PADI3: variants seen among roughly 807,000 people sequenced by gnomAD.
PADI3 encodes the protein peptidyl arginine deiminase 3, also known as protein-arginine deiminase type-3.
A neutral mutation model predicts 71.5 loss-of-function variants in PADI3; 53 were observed. The observed-to-expected ratio is 0.74, with a 90% CI of 0.59 to 0.93. The LOEUF (loss-of-function observed/expected upper bound fraction) is 0.93, where lower values mean the gene tolerates loss of function less well. Among genes scored for constraint, PADI3 ranks in the 40% least tolerant of loss-of-function variants. The pLI is 0.00. For missense variants in PADI3, 821 were observed against 868.0 expected, an observed-to-expected ratio of 0.95 and a Z score of 0.68; for synonymous variants, 361 against 347.5, an observed-to-expected ratio of 1.04 and a Z score of -0.43.
chr1:17,279,275 G>T (rs1208419694), intron 13 of PADI3, among the ~76,000 whole-genome samples: 1 of 152,208 alleles, frequency 6.6e-6, no homozygotes, highest in Non-Finnish European at 1.5e-5. Context: ...GCACTGATTA[G>T]ACACCTCAGT....
chr1:17,282,080 C>A (rs988575881), intron 15 of PADI3, among the ~76,000 whole-genome samples: 4 of 152,172 alleles, frequency 2.6e-5, no homozygotes, highest in African/African-American at 7.2e-5. Flanking sequence ...TTTTGCCCTC[C>A]GCTTGCAAAG....
chr1:17,280,684 G>A lies in PADI3; in HGVS notation c.1649G>A (p.Trp550Ter), dbSNP rs895929989. The A allele has an allele frequency of 3.7e-6, 6 of 1,614,030 alleles. No individual in the cohort carries two copies. Among genetic ancestry groups the A allele is most frequent in the Non-Finnish European group, 5.1e-6 (6 of 1,180,028 alleles). ...CCCTGCCCCCAGAGCTGCATCGACT[G>A]GAACCGTGAGGTGCTGAAGCGGGAG... is the stretch of plus-strand genomic sequence containing the variant. ...YNKFVQSCIDWNREVLKRELG... is the reference protein window; with the variant it reads ...YNKFVQSCID The change falls in exon 15 of 16, where the codon TGG becomes TAG. Residue 550 changes from tryptophan to a stop codon, truncating the protein, a stop_gained. Transcript: ENST00000375460. LOFTEE classifies it high-confidence loss of function.
At chr1:17,268,498 C>CTGTGTTTTTTTTTTTTT (rs2073201455) in intron 6 of PADI3, among the ~76,000 whole-genome samples, 1 of 89,448 alleles carries the variant, frequency 1.1e-5, no homozygotes, top group African/African-American at 4.7e-5. Context: ...TAATAAGATG[C>CTGTGTTTTTTTTTTTTT]TTTTTTTTTT....
In PADI3 at chr1:17,250,811, C is replaced by T. The variant is rs147094887; in HGVS notation, c.92+1582C>T. Among the ~76,000 whole-genome samples, 705 of 152,334 alleles carry T rather than the reference C, an allele frequency of 4.6e-3. 5 individuals carry two copies. The highest frequency in any genetic ancestry group is 0.016 in the African/African-American group (674 of 41,576). ...CGTGCCCGTTGGGCAGATGTGTCTC[C>T]GGTTTGACCTGTCCCAGGAAGCCTG... On this transcript the variant is annotated intron_variant, in intron 1 of 15. Transcript: ENST00000375460.
chr1:17,272,428 G>T (rs1385137602), intron 9 of PADI3, among the ~76,000 whole-genome samples: 1 of 152,150 alleles, frequency 6.6e-6, no homozygotes, highest in Non-Finnish European at 1.5e-5. Flanking sequence ...GAGCCTGGCT[G>T]TGCCACCAAC....
At position 17,284,112 on chromosome 1, in the gene PADI3, C is replaced by G. The variant is rs3750303; in HGVS notation, c.*1033C>G. On this transcript the variant is annotated 3_prime_UTR_variant, in exon 16 of 16. Coordinates refer to ENST00000375460, the MANE Select transcript of PADI3 (RefSeq NM_016233.2). ...ACAGCGGGAAAACTCTGGGAATGAA[C>G]CACTGAATTCAGGGGATGGGGGTGG... 25,153 of 150,224 alleles carry G rather than the reference C, an allele frequency of 0.17. 2,276 individuals carry two copies. The highest frequency in any genetic ancestry group is 0.29 in the South Asian group (1,337 of 4,618). 9.3% of individuals were successfully genotyped at this position (150,224 alleles called of 1,614,324 possible). A position where few individuals can be genotyped will look rare whatever the true frequency, so the allele number is the denominator to read the frequency against.
chr1:17,253,163 G>A (rs1187839097), intron 1 of PADI3, among the ~76,000 whole-genome samples: 3 of 152,206 alleles, frequency 2.0e-5, no homozygotes, highest in Non-Finnish European at 4.4e-5. Context: ...GACTCGCCTG[G>A]ATTGGAGGTC....
intron 15 of PADI3, among the ~76,000 whole-genome samples, chr1:17,282,041 C>T (rs1569926817): frequency 6.6e-6 from 1 of 152,346 alleles, no homozygotes; most frequent in Non-Finnish European, 1.5e-5. Flanking sequence ...CTTCATGCCC[C>T]GCTTTTTCCT....
chr1:17,280,552 C>G lies in PADI3; in HGVS notation c.1636-119C>G. ...AAGCTCAGGTTAGAACAGGCCCAGA[C>G]AGAGGGGTCCCAACACCCTCTTTTG... is the stretch of plus-strand genomic sequence containing the variant. On this transcript the variant is annotated intron_variant, in intron 14 of 15. Transcript: ENST00000375460. The G allele has an allele frequency of 1.2e-5, 18 of 1,517,246 alleles. No homozygotes were observed. In the South Asian group the frequency reaches 1.6e-4, roughly 13 times the overall value. 94.0% of individuals were successfully genotyped at this position (1,517,246 alleles called of 1,614,324 possible).
In PADI3 at chr1:17,257,954, T is replaced by C. The variant is rs559219116; in HGVS notation, c.93-1624T>C. 2.8e-4 allele frequency among the ~76,000 whole-genome samples: 43 copies of C among 152,222 alleles called. 1 individual carries two copies. In the South Asian group the frequency reaches 8.9e-3, roughly 32 times the overall value. ...GCTGGGGGCTTTTTATGTTATGGTA[T>C]TGTTGTTATTATTACTCCTGGGGAG... On this transcript the variant is annotated intron_variant, in intron 1 of 15. Transcript: ENST00000375460.
chr1:17,267,746 C>T, intron 5 of PADI3, 91 bp from the exon 6 acceptor site: 1 of 1,467,854 alleles, frequency 6.8e-7, no homozygotes, highest in East Asian at 2.3e-5. Flanking sequence ...GGTCTTGATA[C>T]CCACTGACCT....
intron 1 of PADI3, among the ~76,000 whole-genome samples, chr1:17,255,836 G>A (rs2073020516): frequency 6.6e-6 from 1 of 152,132 alleles, no homozygotes; most frequent in Non-Finnish European, 1.5e-5. Flanking sequence ...CGATGCTGCG[G>A]CTGAGGGAGG....
At chr1:17,253,288 G>A (rs12025184) in intron 1 of PADI3, among the ~76,000 whole-genome samples, 29,236 of 152,044 alleles carry the variant, frequency 0.19, 3,124 homozygotes, top group African/African-American at 0.28. Context: ...GTCCTGGAAG[G>A]GTCAGGTCCC....
In PADI3 at chr1:17,283,211, C is replaced by T. The variant is rs1259848718; in HGVS notation, c.*132C>T. The T allele has an allele frequency of 1.2e-5, 8 of 683,802 alleles. No homozygotes were observed. In the East Asian group the frequency reaches 2.2e-4, roughly 19 times the overall value. 42.4% of individuals were successfully genotyped at this position (683,802 alleles called of 1,614,324 possible). A position where few individuals can be genotyped will look rare whatever the true frequency, so the allele number is the denominator to read the frequency against. ...AGATGGAACACTGAGGGTGACCGTC[C>T]CTCTCAGAAGCCTTTTCCCTGGAAG... On this transcript the variant is annotated 3_prime_UTR_variant, in exon 16 of 16. Transcript: ENST00000375460.
intron 3 of PADI3, 135 bp from the exon 4 acceptor site, chr1:17,265,524 G>A (rs13374866): frequency 1.3e-6 from 1 of 769,336 alleles, no homozygotes; most frequent in Non-Finnish European, 2.3e-6. Flanking sequence ...AGAGGGTGCA[G>A]ATGCCCTCAC....
rs1557501934 is a variant in PADI3, at chr1:17,262,162, GCCTCTGCCCC to G, written c.304_313del (p.Pro102TrpfsTer19). 1 of 1,613,562 alleles carries G rather than the reference GCCTCTGCCCC, an allele frequency of 6.2e-7. No individual in the cohort carries two copies. Among genetic ancestry groups the G allele is most frequent in the Non-Finnish European group, 8.5e-7 (1 of 1,179,870 alleles). ...AGATTTCCTACCACTCCAGCCATGAGCCTCTGCCCCTGGCCTATGCGGTGCTCTACCTCAC... is the reference window on the plus strand; with the variant it reads ...AGATTTCCTACCACTCCAGCCATGAGTGGCCTATGCGGTGCTCTACCTCAC... On this transcript the variant is annotated frameshift_variant, in exon 3 of 16. Coordinates refer to ENST00000375460, the MANE Select transcript of PADI3 (RefSeq NM_016233.2). LOFTEE classifies it high-confidence loss of function.
intron 9 of PADI3, 56 bp downstream of exon 9, chr1:17,271,234 C>A: frequency 7.0e-7 from 1 of 1,434,402 alleles, no homozygotes; most frequent in Non-Finnish European, 9.6e-7. Flanking sequence ...AGAGAGAGGC[C>A]TTCATTTGGG....
intron 3 of PADI3, among the ~76,000 whole-genome samples, chr1:17,264,174 T>C (rs1030495627): frequency 4.6e-5 from 7 of 152,224 alleles, no homozygotes; most frequent in Non-Finnish European, 8.8e-5. Flanking sequence ...CAGTTGGCAT[T>C]GCACTGTGGT....
chr1:17,249,451 G>C (rs1290802352), intron 1 of PADI3, among the ~76,000 whole-genome samples: 1 of 152,112 alleles, frequency 6.6e-6, no homozygotes, highest in Non-Finnish European at 1.5e-5. Flanking sequence ...GGTAGAAGAG[G>C]CTTCAGTGAC....
Sources: allele counts gnomAD v4.1 joint callset (sites outside exome capture counted in the v4.1 genomes callset), GRCh38; gene constraint gnomAD v4.1.1; transcripts MANE v1.5; gene names NCBI Gene and HGNC (gene_info 2026-07-23, HGNC 2026-07-21).